Variants in ZNF33A observed in about 807,000 individuals in gnomAD.
The protein encoded by ZNF33A is zinc finger protein 33A, also known as brain my041 protein.
A neutral mutation model predicts 15.9 loss-of-function variants in ZNF33A; 9 were observed. The observed-to-expected ratio is 0.57, with a 90% CI of 0.34 to 0.99. ZNF33A has a LOEUF of 0.99. Ranked by LOEUF, ZNF33A falls within the 50% of genes least tolerant of loss-of-function variation. ZNF33A has a pLI of 0.02. For synonymous variants in ZNF33A, 294 were observed against 324.2 expected, an observed-to-expected ratio of 0.91 and a Z score of 1.00; for missense variants, 843 against 941.6, an observed-to-expected ratio of 0.90 and a Z score of 1.37.
intron 4 of ZNF33A, among the ~76,000 whole-genome samples, chr10:38,043,144 G>C (rs1014405410): frequency 2.6e-4 from 39 of 151,876 alleles, no homozygotes; most frequent in African/African-American, 7.7e-4. Flanking sequence ...TTTAATTTGA[G>C]GATTTTAAAT....
At chr10:38,019,578 G>C (rs1280082226) in intron 4 of ZNF33A, among the ~76,000 whole-genome samples, 4 of 152,208 alleles carry the variant, frequency 2.6e-5, no homozygotes, top group Non-Finnish European at 5.9e-5. Context: ...GAAGGAAGTA[G>C]TATGTTTTCT....
chr10:38,034,792 A>G (rs1424295512), intron 4 of ZNF33A, among the ~76,000 whole-genome samples: 5 of 152,162 alleles, frequency 3.3e-5, no homozygotes, highest in African/African-American at 4.8e-5. Flanking sequence ...TCATTTCTTC[A>G]GGTAATCCTG....
intron 4 of ZNF33A, among the ~76,000 whole-genome samples, chr10:38,032,237 A>T (rs2065244826): frequency 6.6e-6 from 1 of 152,182 alleles, no homozygotes; most frequent in Admixed American, 6.5e-5. Flanking sequence ...ATTACTAAAA[A>T]AAGTTAGTTT....
chr10:38,035,111 C>T (rs981302125), intron 4 of ZNF33A, among the ~76,000 whole-genome samples: 7 of 85,780 alleles, frequency 8.2e-5, no homozygotes, highest in East Asian at 4.3e-4. Context: ...CATTTACTTT[C>T]TTTTTTTTTT....
At chr10:38,030,757 C>A (rs1020043389) in intron 4 of ZNF33A, among the ~76,000 whole-genome samples, 2 of 152,082 alleles carry the variant, frequency 1.3e-5, no homozygotes, top group Non-Finnish European at 2.9e-5. Context: ...TTTGAGTTTC[C>A]TACTGGCATT....
chr10:38,062,408 A>G (rs1180705203), downstream of ZNF33A, among the ~76,000 whole-genome samples: 1 of 152,222 alleles, frequency 6.6e-6, no homozygotes, highest in Non-Finnish European at 1.5e-5. Context: ...ATCTCTGCAC[A>G]TGAGGAATAT....
downstream of ZNF33A, among the ~76,000 whole-genome samples, chr10:38,060,520 C>A (rs547239823): frequency 7.2e-5 from 11 of 152,312 alleles, no homozygotes; most frequent in Non-Finnish European, 1.5e-4. Flanking sequence ...TGTGGCTCTT[C>A]CCAGCATGTG....
chr10:38,067,584 C>T (rs751501633), downstream of ZNF33A, among the ~76,000 whole-genome samples: 22 of 152,116 alleles, frequency 1.4e-4, no homozygotes, highest in Non-Finnish European at 2.6e-4. Context: ...CTGTTGATAC[C>T]GGGTTCAAGG....
chr10:38,063,466 T>C (rs1564892682), downstream of ZNF33A, among the ~76,000 whole-genome samples: 1 of 152,182 alleles, frequency 6.6e-6, no homozygotes, highest in Non-Finnish European at 1.5e-5. Context: ...TGCATGTAAA[T>C]ATATACAAAA....
intron 4 of ZNF33A, among the ~76,000 whole-genome samples, chr10:38,042,737 G>C (rs963302318): frequency 1.2e-4 from 18 of 152,066 alleles, no homozygotes; most frequent in African/African-American, 4.3e-4. Context: ...TTATTTTTTA[G>C]AGATGGTGTC....
rs2066378408 is a variant in ZNF33A at position 38,054,764 on chromosome 10, A to C, written c.640A>C (p.Thr214Pro). The change falls in exon 5 of 5, where the codon ACT becomes CCT. Residue 214 changes from threonine to proline, a missense_variant. Physicochemically the swap from Thr to Pro is conservative, Grantham distance 38 (BLOSUM62 -1). Transcript: ENST00000432900. ...GACTTTGCAGCATGAGAAGATTCAAACTTTAGAGCACAATTTTGAATACAG... is the reference window on the plus strand; with the variant it reads ...GACTTTGCAGCATGAGAAGATTCAACCTTTAGAGCACAATTTTGAATACAG... ...EETLQHEKIQ[T>P]LEHNFEYSIC... 1.9e-6 allele frequency: 3 copies of C among 1,613,486 alleles called. No individual in the cohort carries two copies. Among genetic ancestry groups the C allele is most frequent in the Non-Finnish European group, 2.5e-6 (3 of 1,179,902 alleles).
chr10:38,041,488 C>A (rs1490228338), intron 4 of ZNF33A, among the ~76,000 whole-genome samples: 1 of 151,904 alleles, frequency 6.6e-6, no homozygotes, highest in Non-Finnish European at 1.5e-5. Flanking sequence ...AATACAGAAA[C>A]ATTACTTATA....
intron 2 of ZNF33A, among the ~76,000 whole-genome samples, chr10:38,012,942 A>AC (rs1305689207): frequency 1.3e-5 from 2 of 152,210 alleles, no homozygotes; most frequent in Admixed American, 1.3e-4. Flanking sequence ...CCTGGCAGAT[A>AC]CCTTTTTTGG....
intron 4 of ZNF33A, among the ~76,000 whole-genome samples, chr10:38,021,811 C>A (rs181490569): frequency 2.6e-5 from 4 of 151,992 alleles, no homozygotes; most frequent in Non-Finnish European, 5.9e-5. Context: ...ATAATGAAAC[C>A]AAACTACAAA....
downstream of ZNF33A, among the ~76,000 whole-genome samples, chr10:38,066,917 G>A (rs894980075): frequency 3.9e-5 from 6 of 152,172 alleles, no homozygotes; most frequent in African/African-American, 1.4e-4. Context: ...GGGTGATAGA[G>A]TGAGACTCTG....
At chr10:38,033,495 G>A (rs2065302431) in intron 4 of ZNF33A, among the ~76,000 whole-genome samples, 1 of 152,088 alleles carries the variant, frequency 6.6e-6, no homozygotes, top group Admixed American at 6.6e-5. Flanking sequence ...CTGGTTATAT[G>A]GTGACTCTGT....
chr10:38,019,845 A>G (rs570191534), intron 4 of ZNF33A, among the ~76,000 whole-genome samples: 1 of 152,280 alleles, frequency 6.6e-6, no homozygotes, highest in East Asian at 1.9e-4. Flanking sequence ...GAGTTTCTAG[A>G]ATCATTTTTG....
At chr10:38,012,180 C>T (rs1344555439) in intron 1 of ZNF33A, 118 bp from the exon 2 acceptor site, 2 of 943,208 alleles carry the variant, frequency 2.1e-6, no homozygotes, top group African/African-American at 1.7e-5. Context: ...GACATTGATA[C>T]TCTCCCAGAG....
chr10:38,022,833 C>T (rs1462510693), intron 4 of ZNF33A, among the ~76,000 whole-genome samples: 1 of 152,062 alleles, frequency 6.6e-6, no homozygotes, highest in African/African-American at 2.4e-5. Context: ...TCCAAAAAAC[C>T]AATTTCCAAG....
Sources: allele counts gnomAD v4.1 joint callset (sites outside exome capture counted in the v4.1 genomes callset), GRCh38; gene constraint gnomAD v4.1.1; transcripts MANE v1.5; gene names NCBI Gene and HGNC (gene_info 2026-07-23, HGNC 2026-07-21).